The following SPPL3 variants were observed in gnomAD, a reference collection of about 807,000 sequenced individuals.
SPPL3 encodes the protein signal peptide peptidase-like 3.
A neutral mutation model predicts 42.4 loss-of-function variants in SPPL3; 5 were observed. The ratio of observed to expected loss-of-function variants is 0.12; its 90% CI spans 0.06 to 0.25. The LOEUF is 0.25. Among genes scored for constraint, SPPL3 ranks in the 10% least tolerant of loss-of-function variants. The probability of loss-of-function intolerance (pLI) is 1.00; values close to 1 mark genes in which losing one functional copy is unlikely to be tolerated. For synonymous variants in SPPL3, 195 were observed against 181.8 expected (o/e 1.07, Z -0.58); for missense variants, 235 against 489.0 (o/e 0.48, Z 4.90).
chr12:120,880,299 T>TA (rs1356564872), intron 1 of SPPL3, among the ~76,000 whole-genome samples: 2 of 151,908 alleles, frequency 1.3e-5, no homozygotes, highest in Non-Finnish European at 2.9e-5. Flanking sequence ...AACATACAAA[T>TA]AAGAGCTAAA....
intron 1 of SPPL3, among the ~76,000 whole-genome samples, chr12:120,873,603 A>G (rs1466002072): frequency 1.3e-5 from 2 of 152,184 alleles, no homozygotes; most frequent in Non-Finnish European, 2.9e-5. Context: ...GTCCGTGCAC[A>G]GTGGCTTACA....
intron 1 of SPPL3, among the ~76,000 whole-genome samples, chr12:120,881,803 A>C (rs931821630): frequency 3.3e-5 from 5 of 151,374 alleles, no homozygotes; most frequent in East Asian, 3.9e-4. Context: ...CCAATAACAA[A>C]AAAAAAAAGA....
At chr12:120,892,424 G>GT (rs1873668278) in intron 1 of SPPL3, among the ~76,000 whole-genome samples, 1 of 152,112 alleles carries the variant, frequency 6.6e-6, no homozygotes, top group African/African-American at 2.4e-5. Flanking sequence ...CCACAGCAAG[G>GT]GGAAAACATT....
chr12:120,886,348 T>G (rs761869301), intron 1 of SPPL3, among the ~76,000 whole-genome samples: 1 of 152,132 alleles, frequency 6.6e-6, no homozygotes, highest in African/African-American at 2.4e-5. Flanking sequence ...TTAGTTACTA[T>G]AGCAGAGCCC....
At chr12:120,816,587 G>C (rs1273986293) in intron 1 of SPPL3, among the ~76,000 whole-genome samples, 4 of 152,134 alleles carry the variant, frequency 2.6e-5, no homozygotes, top group Non-Finnish European at 5.9e-5. Context: ...TCTTGGCTCA[G>C]TGAAACCTCC....
intron 1 of SPPL3, among the ~76,000 whole-genome samples, chr12:120,818,304 G>C (rs766881402): frequency 9.2e-5 from 14 of 151,800 alleles, no homozygotes; most frequent in Non-Finnish European, 1.8e-4. Flanking sequence ...TGATGTATCA[G>C]TATAGGCCAG....
At chr12:120,823,774 C>T (rs1301882901) in intron 1 of SPPL3, among the ~76,000 whole-genome samples, 3 of 152,174 alleles carry the variant, frequency 2.0e-5, no homozygotes, top group Non-Finnish European at 4.4e-5. Context: ...TTATGATCCC[C>T]ATTTTGTACA....
chr12:120,779,152 T>C (rs990254058), intron 6 of SPPL3, among the ~76,000 whole-genome samples: 7 of 152,202 alleles, frequency 4.6e-5, no homozygotes, highest in African/African-American at 1.7e-4. Flanking sequence ...TTAAGATCAG[T>C]CATACAAAGT....
Position 120,767,486 on chromosome 12 carries a change from C to T in SPPL3, c.881G>A (p.Gly294Glu). 1 of 1,614,192 alleles carries T rather than the reference C, an allele frequency of 6.2e-7. No individual in the cohort carries two copies. Among genetic ancestry groups the T allele is most frequent in the Non-Finnish European group, 8.5e-7 (1 of 1,180,034 alleles). ...RYDNYKKQAS[G>E]DSCGAPGPAN... Reference sequence around the variant, plus strand: ...AGGTCCAGGGGCCCCACAGGAGTCCCCACTGGCTTGCTTTTTGTAGTTGTC... The same window carrying T: ...AGGTCCAGGGGCCCCACAGGAGTCCTCACTGGCTTGCTTTTTGTAGTTGTC... The change falls in exon 9 of 11, where the codon GGG becomes GAG. Residue 294 changes from glycine (G) to glutamate (E), a missense_variant. Around this residue, in one of 6 missense-constraint regions of SPPL3, gnomAD observed 20 missense variants for 66.1 expected, o/e 0.30. Transcript: ENST00000353487.
chr12:120,899,612 C>A (rs1046251702), intron 1 of SPPL3, among the ~76,000 whole-genome samples: 1 of 151,942 alleles, frequency 6.6e-6, no homozygotes, highest in East Asian at 1.9e-4. Flanking sequence ...AAAAGATCGC[C>A]GGGCACAGTG....
chr12:120,876,749 T>C (rs951189226), intron 1 of SPPL3, among the ~76,000 whole-genome samples: 1 of 150,468 alleles, frequency 6.6e-6, no homozygotes, highest in African/African-American at 2.4e-5. Context: ...TCAATACCTA[T>C]ACTGGAAAAA....
At chr12:120,850,443 G>A (rs558775811) in intron 1 of SPPL3, among the ~76,000 whole-genome samples, 17 of 142,972 alleles carry the variant, frequency 1.2e-4, no homozygotes, top group African/African-American at 4.4e-4. Flanking sequence ...AGGACTGCTT[G>A]AGCCCAAGAG....
intron 6 of SPPL3, among the ~76,000 whole-genome samples, chr12:120,775,385 C>A (rs1869277738): frequency 6.6e-6 from 1 of 152,222 alleles, no homozygotes; most frequent in African/African-American, 2.4e-5. Context: ...CTCCTGACCT[C>A]AACTGATCTG....
intron 1 of SPPL3, among the ~76,000 whole-genome samples, chr12:120,820,306 A>ATTTTTTTTTTTTTTTTTTTTTTTTTT (rs11374486): frequency 9.9e-6 from 1 of 100,998 alleles, no homozygotes; most frequent in Non-Finnish European, 1.9e-5. Context: ...CTTTCTCTAA[A>ATTTTTTTTTTTTTTTTTTTTTTTTTT]TTTTTTTTTT....
chr12:120,845,800 T>A (rs1872010344), intron 1 of SPPL3, among the ~76,000 whole-genome samples: 1 of 152,146 alleles, frequency 6.6e-6, no homozygotes. Flanking sequence ...AGACAGGCAT[T>A]TTCTGCCTAC....
At chr12:120,773,172 C>T (rs1160410089) in intron 6 of SPPL3, among the ~76,000 whole-genome samples, 5 of 152,138 alleles carry the variant, frequency 3.3e-5, no homozygotes, top group East Asian at 1.9e-4. Context: ...TCAACTCACA[C>T]GCATATTTGA....
intron 1 of SPPL3, among the ~76,000 whole-genome samples, chr12:120,833,286 G>A (rs1354268608): frequency 6.6e-6 from 1 of 152,152 alleles, no homozygotes; most frequent in African/African-American, 2.4e-5. Context: ...TGGAGCATGG[G>A]TACCAGAAAG....
At chr12:120,897,521 A>G (rs1215028870) in intron 1 of SPPL3, among the ~76,000 whole-genome samples, 1 of 152,072 alleles carries the variant, frequency 6.6e-6, no homozygotes, top group African/African-American at 2.4e-5. Context: ...CAGGAGATCA[A>G]GACCATCCTA....
chr12:120,812,994 T>C (rs1870732394), intron 1 of SPPL3, among the ~76,000 whole-genome samples: 1 of 152,064 alleles, frequency 6.6e-6, no homozygotes, highest in South Asian at 2.1e-4. Flanking sequence ...CTGGGTAAAG[T>C]GGTGAGGATG....
Sources: allele counts gnomAD v4.1 joint callset (sites outside exome capture counted in the v4.1 genomes callset), GRCh38; gene constraint gnomAD v4.1.1; regional missense constraint gnomAD v4.1.1; transcripts MANE v1.5; gene names NCBI Gene and HGNC (gene_info 2026-07-23, HGNC 2026-07-21).